Variants in EBF2 observed in about 807,000 individuals in gnomAD.
The protein encoded by EBF2 is transcription factor COE2.
A neutral mutation model predicts 72.8 loss-of-function variants in EBF2; 21 were observed. The ratio of observed to expected loss-of-function variants is 0.29; its 90% confidence interval spans 0.20 to 0.42. The LOEUF is 0.42. Among genes scored for constraint, EBF2 ranks in the 10% least tolerant of loss-of-function variants. The probability of loss-of-function intolerance (pLI) is 1.00; values close to 1 mark genes in which losing one functional copy is unlikely to be tolerated. For missense variants in EBF2, 637 were observed against 731.2 expected, an observed-to-expected ratio of 0.87 and a Z score of 1.49; for synonymous variants, 299 against 274.2, an observed-to-expected ratio of 1.09 and a Z score of -0.89.
chr8:26,008,225 C>T (rs369927324), intron 6 of EBF2, among the ~76,000 whole-genome samples: 5 of 152,104 alleles, frequency 3.3e-5, no homozygotes, highest in South Asian at 2.1e-4. Context: ...CAAGGCTAGT[C>T]CTCAGGAAGT....
intron 6 of EBF2, among the ~76,000 whole-genome samples, chr8:26,009,073 T>C (rs1390639501): frequency 2.3e-5 from 3 of 130,840 alleles, no homozygotes; most frequent in Middle Eastern, 5.0e-3. Flanking sequence ...AAATTTCAAG[T>C]TGAGCCATTT....
chr8:26,040,754 G>A, intron 3 of EBF2, 83 bp from the exon 4 acceptor site: 1 of 1,509,364 alleles, frequency 6.6e-7, no homozygotes, highest in Non-Finnish European at 9.0e-7. Flanking sequence ...TGGGTCTGAG[G>A]CCCAAGCAGC....
chr8:25,874,159 G>T (rs1423888835), intron 10 of EBF2, among the ~76,000 whole-genome samples: 1 of 151,782 alleles, frequency 6.6e-6, no homozygotes, highest in Non-Finnish European at 1.5e-5. Flanking sequence ...TTTTTTTCCA[G>T]GATAACGCTA....
intron 14 of EBF2, chr8:25,858,101 C>T: frequency 2.9e-6 from 2 of 687,466 alleles, no homozygotes; most frequent in Non-Finnish European, 5.3e-6. Context: ...GGAATTGTTT[C>T]AATCCTTTTC....
At chr8:25,900,793 A>C (rs1410535983) in intron 7 of EBF2, among the ~76,000 whole-genome samples, 1 of 137,910 alleles carries the variant, frequency 7.3e-6, no homozygotes, top group Non-Finnish European at 1.6e-5. Context: ...AATAATAATA[A>C]AATAAAAAAT....
intron 6 of EBF2, among the ~76,000 whole-genome samples, chr8:25,920,300 C>T (rs549208341): frequency 6.6e-6 from 1 of 152,132 alleles, no homozygotes; most frequent in African/African-American, 2.4e-5. Flanking sequence ...AACATGTGCA[C>T]GTCTGTTTTT....
rs1049598280 is a variant in EBF2 at position 26,045,409 on chromosome 8, G to T, written c.-550C>A. The T allele has an allele frequency of 3.3e-5, 5 of 152,244 alleles. No individual in the cohort carries two copies. The highest frequency in any genetic ancestry group is 1.2e-4 in the African/African-American group (5 of 41,458). 9.4% of individuals were successfully genotyped at this position (152,244 alleles called of 1,614,324 possible). ...CGGGCCCCATGAATGGGTTACTACG[G>T]CCCTGGCTGCGGGAGGCGGAGCTGC... On this transcript the variant is annotated 5_prime_UTR_variant, in exon 1 of 16. Transcript: ENST00000520164.
chr8:25,855,747 T>C (rs185635172), intron 14 of EBF2, among the ~76,000 whole-genome samples: 2 of 152,270 alleles, frequency 1.3e-5, no homozygotes, highest in East Asian at 3.9e-4. Context: ...TATTCAGTAT[T>C]TTTGGAGTAA....
intron 7 of EBF2, among the ~76,000 whole-genome samples, chr8:25,900,420 C>G (rs966833067): frequency 6.6e-6 from 1 of 152,032 alleles, no homozygotes; most frequent in South Asian, 2.1e-4. Flanking sequence ...TATTGCACCA[C>G]TGCACTCCAG....
At chr8:25,978,781 G>A (rs773139160) in intron 6 of EBF2, among the ~76,000 whole-genome samples, 1 of 152,178 alleles carries the variant, frequency 6.6e-6, no homozygotes, top group Admixed American at 6.5e-5. Flanking sequence ...CAGTTAATCA[G>A]AAGCAACACA....
chr8:26,012,897 G>A (rs889215843), intron 6 of EBF2, among the ~76,000 whole-genome samples: 5 of 152,128 alleles, frequency 3.3e-5, no homozygotes, highest in African/African-American at 4.8e-5. Context: ...AATACTCATC[G>A]ATACCTACTA....
chr8:25,923,171 G>GA (rs1415024099), intron 6 of EBF2, among the ~76,000 whole-genome samples: 4 of 152,210 alleles, frequency 2.6e-5, no homozygotes, highest in Non-Finnish European at 5.9e-5. Flanking sequence ...CACGCTGGGA[G>GA]AAAGGCCACT....
chr8:25,970,538 T>C (rs1230118725), intron 6 of EBF2, among the ~76,000 whole-genome samples: 1 of 151,852 alleles, frequency 6.6e-6, no homozygotes, highest in Non-Finnish European at 1.5e-5. Flanking sequence ...CTCTTCAGGC[T>C]CCCCTAATAA....
intron 10 of EBF2, among the ~76,000 whole-genome samples, chr8:25,885,374 T>C (rs1450693453): frequency 2.0e-5 from 3 of 152,206 alleles, no homozygotes; most frequent in Non-Finnish European, 2.9e-5. Flanking sequence ...CAAAACTGAA[T>C]CTCTGGACCC....
chr8:25,988,042 G>A (rs1176852010), intron 6 of EBF2, among the ~76,000 whole-genome samples: 1 of 152,118 alleles, frequency 6.6e-6, no homozygotes, highest in Non-Finnish European at 1.5e-5. Flanking sequence ...TTTTTCAAAA[G>A]ACCTAATTCC....
intron 6 of EBF2, among the ~76,000 whole-genome samples, chr8:26,022,692 A>G (rs982772858): frequency 6.6e-6 from 1 of 152,172 alleles, no homozygotes; most frequent in Non-Finnish European, 1.5e-5. Context: ...ATTTCTCACC[A>G]GCTCCAGCTC....
At chr8:25,897,084 A>C (rs548522542) in intron 7 of EBF2, among the ~76,000 whole-genome samples, 1 of 152,324 alleles carries the variant, frequency 6.6e-6, no homozygotes, top group African/African-American at 2.4e-5. Context: ...TTCAGTGAAG[A>C]ATCAAGTCCC....
intron 15 of EBF2, among the ~76,000 whole-genome samples, chr8:25,850,259 C>T (rs1276018476): frequency 1.3e-5 from 2 of 152,094 alleles, no homozygotes; most frequent in African/African-American, 2.4e-5. Context: ...ATTACAGGCA[C>T]CCACAAACAC....
At chr8:25,960,254 G>T (rs1390906600) in intron 6 of EBF2, among the ~76,000 whole-genome samples, 1 of 152,204 alleles carries the variant, frequency 6.6e-6, no homozygotes, top group Non-Finnish European at 1.5e-5. Context: ...AAAGTCTATT[G>T]TCAGATGGGC....
Sources: allele counts gnomAD v4.1 joint callset (sites outside exome capture counted in the v4.1 genomes callset), GRCh38; gene constraint gnomAD v4.1.1; transcripts MANE v1.5; gene names NCBI Gene and HGNC (gene_info 2026-07-23, HGNC 2026-07-21).